Variants in THBS4 observed in about 807,000 individuals in gnomAD.
THBS4 encodes thrombospondin-4.
In THBS4, 90 loss-of-function variants were observed where a neutral mutation model predicts 115.7. That is an observed-to-expected ratio of 0.78 (90% CI 0.66 to 0.93). THBS4 has a LOEUF of 0.93. THBS4 is among the 40% of genes least tolerant of loss of function. THBS4 has a pLI of 0.00. For missense variants in THBS4, 1,087 were observed against 1,232.7 expected (o/e 0.88, Z 1.77); for synonymous variants, 460 against 479.3 (o/e 0.96, Z 0.53).
At chr5:80,032,159 C>T (rs10057390), upstream of THBS4, among the ~76,000 whole-genome samples, 27,959 of 152,012 alleles carry the variant, frequency 0.18, 2,753 homozygotes, top group Middle Eastern at 0.25. Flanking sequence ...CTTTTGTCTC[C>T]TTTATCATAT....
At chr5:80,063,048 C>T (rs956742454) in intron 8 of THBS4, among the ~76,000 whole-genome samples, 44 of 152,206 alleles carry the variant, frequency 2.9e-4, no homozygotes, top group African/African-American at 1.0e-3. Flanking sequence ...GGGTATATGC[C>T]CAGTAATGGG....
At chr5:80,073,389 T>C in intron 15 of THBS4, 62 bp downstream of exon 15, 1 of 1,440,128 alleles carries the variant, frequency 6.9e-7, no homozygotes, top group Non-Finnish European at 9.4e-7. Flanking sequence ...GTTTTTGGTT[T>C]GTTTTTTTTT....
At chr5:80,072,232 A>C (rs745886936) in intron 13 of THBS4, 46 bp from the exon 14 acceptor site, 21 of 1,529,912 alleles carry the variant, frequency 1.4e-5, no homozygotes, top group Non-Finnish European at 1.9e-5. Context: ...ACCTAGAAGA[A>C]GTCAGTGACA....
chr5:80,008,020 A>G (rs1832051150), intron 2 of THBS4, among the ~76,000 whole-genome samples: 1 of 152,216 alleles, frequency 6.6e-6, no homozygotes, highest in African/African-American at 2.4e-5. Context: ...ATAAATGTGG[A>G]CAACTTCTAG....
rs748483741 is a variant in THBS4 at position 80,082,402 on chromosome 5, G to A, written c.2685-4G>A. On this transcript the variant is annotated splice_polypyrimidine_tract_variant and splice_region_variant and intron_variant, in intron 20 of 21. Transcript: ENST00000350881. The stretch of plus-strand genomic sequence containing the variant: ...GGAGGCCCCTCCGGCCGTGTTGTCC[G>A]CAGGGTACGATTTTATGAAGGCTCT... 3.1e-6 allele frequency: 5 copies of A among 1,613,802 alleles called. No homozygotes were observed. The highest frequency in any genetic ancestry group is 1.6e-4 in the Middle Eastern group (1 of 6,066).
intron 2 of THBS4, among the ~76,000 whole-genome samples, chr5:80,008,549 G>A (rs1832061161): frequency 6.6e-6 from 1 of 152,078 alleles, no homozygotes; most frequent in Non-Finnish European, 1.5e-5. Flanking sequence ...GACAAAATTT[G>A]CTTCCAAACA....
Position 80,056,039 on chromosome 5 carries a change from A to AAC in THBS4, c.540+7_540+8insAC, listed in dbSNP as rs1580955865. The AAC allele has an allele frequency of 6.3e-7, 1 of 1,586,342 alleles. No homozygotes were observed. The stretch of plus-strand genomic sequence containing the variant: ...TTTCCAGAGGAAGCCACAGGTAGGA[A>AAC]CCCACAAACCATTCTCTGAAGTGGA... On this transcript the variant is annotated splice_region_variant and intron_variant, in intron 3 of 21. Transcript: ENST00000350881.
At chr5:80,033,173 C>A, upstream of THBS4, 1 of 436,750 alleles carries the variant, frequency 2.3e-6, no homozygotes, top group Non-Finnish European at 4.6e-6. Context: ...ATGATCAACT[C>A]TGTTTCCTCA....
intron 2 of THBS4, among the ~76,000 whole-genome samples, chr5:80,001,793 C>G (rs1352840223): frequency 6.6e-6 from 1 of 152,132 alleles, no homozygotes; most frequent in Non-Finnish European, 1.5e-5. Context: ...GGCCTATTTA[C>G]CCACACAAAG....
chr5:80,062,724 C>T (rs2112107802), intron 8 of THBS4, among the ~76,000 whole-genome samples: 1 of 152,292 alleles, frequency 6.6e-6, no homozygotes, highest in Non-Finnish European at 1.5e-5. Flanking sequence ...GTGACATTCC[C>T]CACCCTGTGT....
At chr5:80,008,316 AG>A (rs1026234931) in intron 2 of THBS4, among the ~76,000 whole-genome samples, 9 of 152,350 alleles carry the variant, frequency 5.9e-5, no homozygotes, top group African/African-American at 2.2e-4. Context: ...ATAAAATATA[AG>A]ATGATGCCCA....
At chr5:80,039,180 A>G (rs1832813970) in intron 1 of THBS4, among the ~76,000 whole-genome samples, 1 of 152,240 alleles carries the variant, frequency 6.6e-6, no homozygotes, top group Non-Finnish European at 1.5e-5. Context: ...TCCAAGAGAC[A>G]GCTGTAGGTG....
intron 2 of THBS4, among the ~76,000 whole-genome samples, chr5:80,049,547 A>T (rs1451395412): frequency 6.6e-6 from 1 of 152,248 alleles, no homozygotes; most frequent in East Asian, 1.9e-4. Context: ...TTATATAACC[A>T]ACAAAGTGTT....
At chr5:80,034,230 T>C (rs1252943955), upstream of THBS4, among the ~76,000 whole-genome samples, 4 of 152,208 alleles carry the variant, frequency 2.6e-5, no homozygotes, top group African/African-American at 9.6e-5. Context: ...TATTGGACCT[T>C]ACATATTAGA....
chr5:80,072,932 C>CA (rs1367006997), intron 14 of THBS4, among the ~76,000 whole-genome samples: 1 of 152,190 alleles, frequency 6.6e-6, no homozygotes, highest in Non-Finnish European at 1.5e-5. Flanking sequence ...AGAAGCAAAG[C>CA]AAAATCAACC....
rs536395148 is a variant in THBS4 at position 80,049,792 on chromosome 5, G to A, written c.293-5993G>A. On this transcript the variant is annotated intron_variant, in intron 2 of 21. Transcript: ENST00000350881. ...AACATTATTTAGAATCCACTAGGGAGTTATTGAAGGATTTCATTTGCTTGC... is the reference window on the plus strand; with the variant it reads ...AACATTATTTAGAATCCACTAGGGAATTATTGAAGGATTTCATTTGCTTGC... 8.5e-5 allele frequency among the ~76,000 whole-genome samples: 13 copies of A among 152,294 alleles called. 1 individual carries two copies. The South Asian group carries it at 1.4e-3, about 17-fold the overall frequency.
In THBS4 at chr5:80,054,143, CCTTTT is replaced by C. The variant is rs1240182976; in HGVS notation, c.293-1626_293-1622del. On this transcript the variant is annotated intron_variant, in intron 2 of 21. Transcript: ENST00000350881. ...AGTCCTTCTTTTACAACCATGGATA[CCTTTT>C]CTTTTCTTTTCTTTTTTTTTTTTTT... 1.9e-3 allele frequency among the ~76,000 whole-genome samples: 271 copies of C among 146,400 alleles called. 13 individuals are homozygous for C. The highest frequency in any genetic ancestry group is 6.9e-3 in the Middle Eastern group (2 of 290).
At chr5:80,008,690 T>A (rs967706787) in intron 2 of THBS4, among the ~76,000 whole-genome samples, 1 of 152,148 alleles carries the variant, frequency 6.6e-6, no homozygotes, top group African/African-American at 2.4e-5. Flanking sequence ...AGTTAATTCT[T>A]TGTTGTGAGG....
chr5:80,018,948 G>A (rs936043943), intron 2 of THBS4, among the ~76,000 whole-genome samples: 1 of 151,310 alleles, frequency 6.6e-6, no homozygotes, highest in Non-Finnish European at 1.5e-5. Flanking sequence ...TTATCTGCAG[G>A]ATTTTTTGAG....
Sources: allele counts gnomAD v4.1 joint callset (sites outside exome capture counted in the v4.1 genomes callset), GRCh38; gene constraint gnomAD v4.1.1; transcripts MANE v1.5; gene names NCBI Gene and HGNC (gene_info 2026-07-23, HGNC 2026-07-21).